Variants in UBR3 observed in about 807,000 individuals in gnomAD.
The protein encoded by UBR3 is E3 ubiquitin-protein ligase UBR3.
Under a neutral mutation model 243.2 loss-of-function variants are expected in UBR3, and 85 were observed. The ratio of observed to expected loss-of-function variants is 0.35; its 90% confidence interval spans 0.29 to 0.42. The LOEUF is 0.42. Among genes scored for constraint, UBR3 ranks in the 10% least tolerant of loss-of-function variants. The probability of loss-of-function intolerance (pLI) is 1.00; values close to 1 mark genes in which losing one functional copy is unlikely to be tolerated. For synonymous variants in UBR3, 748 were observed against 799.8 expected, an observed-to-expected ratio of 0.94 and a Z score of 1.09; for missense variants, 1,686 against 2,300.8, an observed-to-expected ratio of 0.73 and a Z score of 5.47.
At position 169,877,485 on chromosome 2, in the gene UBR3, T is replaced by C; in HGVS notation, c.845-9T>C. 6.6e-7 allele frequency: 1 copy of C among 1,519,920 alleles called. No individual in the cohort carries two copies. Among genetic ancestry groups the C allele is most frequent in the Non-Finnish European group, 8.8e-7 (1 of 1,139,274 alleles). 94.2% of individuals were successfully genotyped at this position (1,519,920 alleles called of 1,614,324 possible). A position where few individuals can be genotyped will look rare whatever the true frequency, so the allele number is the denominator to read the frequency against. ...TATTTTTTTCTGATTTGAAGTTTGT[T>C]TTAATTAGGTCTTGGAGAAAATGCT... On this transcript the variant is annotated splice_polypyrimidine_tract_variant and intron_variant, in intron 3 of 38. Transcript: ENST00000272793.
At chr2:169,954,570 CT>C (rs572929851) in intron 23 of UBR3, among the ~76,000 whole-genome samples, 6,780 of 130,000 alleles carry the variant, frequency 0.052, 134 homozygotes, top group Middle Eastern at 0.068. Flanking sequence ...TGTTACTTAC[CT>C]TTTTTTTTTT....
intron 2 of UBR3, among the ~76,000 whole-genome samples, chr2:169,873,999 A>G (rs180692064): frequency 6.7e-4 from 102 of 152,330 alleles, no homozygotes; most frequent in African/African-American, 2.2e-3. Flanking sequence ...TATAAAATGT[A>G]GACAACGTAA....
chr2:169,969,937 CTTTTTT>C (rs34413545), intron 24 of UBR3, among the ~76,000 whole-genome samples: 3 of 89,772 alleles, frequency 3.3e-5, no homozygotes, highest in Non-Finnish European at 4.5e-5. Flanking sequence ...ATGCCTCCAG[CTTTTTT>C]TTTTTTTTTT....
intron 33 of UBR3, among the ~76,000 whole-genome samples, chr2:170,058,528 T>A (rs899868046): frequency 4.6e-5 from 7 of 151,612 alleles, no homozygotes; most frequent in African/African-American, 1.7e-4. Context: ...TCTTCCTTTT[T>A]TTTTTTTGAC....
rs2083588322 is a variant in UBR3, at chr2:169,875,919, A to C, written c.814A>C (p.Asn272His). The change falls in exon 3 of 39, where the codon AAC (asparagine) becomes CAC (histidine). Residue 272 changes from asparagine to histidine, a missense_variant. Asn to His is a moderately conservative substitution (Grantham distance 68, BLOSUM62 1). Coordinates refer to ENST00000272793, the MANE Select transcript of UBR3 (RefSeq NM_172070.4). Reference protein sequence around the residue: ...MRSVLTQVLTNQQNYKDLTSG... With the variant: ...MRSVLTQVLTHQQNYKDLTSG... ...GTCTGTTCTTACTCAGGTTTTGACA[A>C]ACCAACAAAACTACAAAGATCTGAC... is the stretch of plus-strand genomic sequence containing the variant. The C allele has an allele frequency of 1.3e-6, 2 of 1,536,732 alleles. No individual in the cohort carries two copies.
chr2:169,833,370 T>G (rs925670411), intron 1 of UBR3, among the ~76,000 whole-genome samples: 3 of 152,210 alleles, frequency 2.0e-5, no homozygotes, highest in African/African-American at 7.2e-5. Flanking sequence ...TTTGTCTCCT[T>G]GCTTGTTCTT....
intron 19 of UBR3, among the ~76,000 whole-genome samples, 155 bp downstream of exon 19, chr2:169,933,163 G>A (rs2086202548): frequency 6.6e-6 from 1 of 152,164 alleles, no homozygotes; most frequent in African/African-American, 2.4e-5. Context: ...TAATCTGGTG[G>A]AGATTTATGT....
At chr2:169,877,029 G>T (rs2083644915) in intron 3 of UBR3, among the ~76,000 whole-genome samples, 1 of 152,144 alleles carries the variant, frequency 6.6e-6, no homozygotes, top group African/African-American at 2.4e-5. Context: ...TTGTTGAATG[G>T]TGTATTGTTA....
At chr2:170,074,543 A>C (rs533269222) in intron 36 of UBR3, among the ~76,000 whole-genome samples, 4 of 152,290 alleles carry the variant, frequency 2.6e-5, no homozygotes, top group African/African-American at 9.6e-5. Context: ...ACCTTGCTCA[A>C]ATCACAAAAG....
intron 35 of UBR3, among the ~76,000 whole-genome samples, chr2:170,070,320 T>C (rs929528445): frequency 2.6e-5 from 4 of 152,024 alleles, no homozygotes; most frequent in Admixed American, 6.6e-5. Flanking sequence ...GTAAAAACAC[T>C]CACAAGGCTA....
chr2:169,893,106 A>G (rs1456168029), intron 6 of UBR3, among the ~76,000 whole-genome samples: 2 of 152,224 alleles, frequency 1.3e-5, no homozygotes, highest in Non-Finnish European at 2.9e-5. Context: ...ATATTACACA[A>G]TATAACACGT....
chr2:169,927,364 C>G lies in UBR3; in HGVS notation c.2383C>G (p.Leu795Val). The G allele has an allele frequency of 6.4e-7, 1 of 1,551,042 alleles. No homozygotes were observed. Among genetic ancestry groups the G allele is most frequent in the Non-Finnish European group, 8.7e-7 (1 of 1,146,720 alleles). Residue 795 changes from leucine (L) to valine (V), a missense_variant, in exon 17 of 39, where the codon CTG (leucine) becomes GTG (valine). By Grantham distance (32) the Leu-to-Val change is conservative. Coordinates refer to ENST00000272793, the MANE Select transcript of UBR3 (RefSeq NM_172070.4). ...TCTCAGGGCCGAGATGGTAGCCCAG[C>G]TGTGTATGAATGACAGGACACACAG... ...EILRAEMVAQ[L>V]CMNDRTHSSL...
chr2:170,074,188 T>C (rs2091758679), intron 36 of UBR3, among the ~76,000 whole-genome samples: 1 of 152,078 alleles, frequency 6.6e-6, no homozygotes, highest in African/African-American at 2.4e-5. Context: ...TTTTAGTGGA[T>C]AAATTAAAGT....
chr2:169,861,032 A>G (rs139941476), intron 1 of UBR3, among the ~76,000 whole-genome samples: 8 of 152,344 alleles, frequency 5.3e-5, no homozygotes, highest in African/African-American at 1.9e-4. Context: ...CCAGCACGGG[A>G]GAAAGATGAA....
chr2:169,902,003 C>T (rs140785295), intron 8 of UBR3, among the ~76,000 whole-genome samples: 10 of 152,242 alleles, frequency 6.6e-5, no homozygotes, highest in East Asian at 5.8e-4. Context: ...GTGTCCATAG[C>T]GAAGACTCAT....
At chr2:170,025,598 G>A (rs1029336860) in intron 30 of UBR3, among the ~76,000 whole-genome samples, 1 of 152,200 alleles carries the variant, frequency 6.6e-6, no homozygotes, top group African/African-American at 2.4e-5. Flanking sequence ...TCAATTATGA[G>A]ATATTGTGAA....
At chr2:169,909,458 T>C (rs1241426077) in intron 10 of UBR3, among the ~76,000 whole-genome samples, 2 of 152,066 alleles carry the variant, frequency 1.3e-5, no homozygotes, top group Non-Finnish European at 2.9e-5. Flanking sequence ...GTTGAGCTTA[T>C]AGAAGTAGAG....
In UBR3 at chr2:169,827,690, C is replaced by T; in HGVS notation, c.183C>T (p.Ala61=). 1 of 1,210,190 alleles carries T rather than the reference C, an allele frequency of 8.3e-7. No individual in the cohort carries two copies. The highest frequency in any genetic ancestry group is 1.0e-6 in the Non-Finnish European group (1 of 977,608). The allele number at this position is 1,210,190 out of a possible 1,614,324, so 75.0% of individuals were successfully genotyped here. ...CGCTGCTGGAGCGGGTGCTGAGCGCCGAGCGGCCGCTGGCCGCGGCTGCCG... is the reference window on the plus strand; with the variant it reads ...CGCTGCTGGAGCGGGTGCTGAGCGCTGAGCGGCCGCTGGCCGCGGCTGCCG... The part of the protein sequence containing the change: ...LQALLERVLS[A]ERPLAAAAGG... The change falls in exon 1 of 39, where the codon GCC becomes GCT. Residue 61 remains alanine, a synonymous_variant. Transcript: ENST00000272793.
intron 1 of UBR3, among the ~76,000 whole-genome samples, chr2:169,832,958 TGG>T (rs1200317676): frequency 6.6e-6 from 1 of 150,806 alleles, no homozygotes; most frequent in Non-Finnish European, 1.5e-5. Flanking sequence ...GCTTTATGGG[TGG>T]ATGAACTCAA....
Sources: gnomAD v4.1 joint callset for allele counts (sites outside exome capture counted in the v4.1 genomes callset) on GRCh38, gnomAD v4.1.1 for gene constraint, MANE v1.5 for transcripts, NCBI Gene and HGNC (gene_info 2026-07-23, HGNC 2026-07-21) for gene names.